The following VPS37C variants were observed in gnomAD, a reference collection of about 807,000 sequenced individuals.
The protein encoded by VPS37C is VPS37C subunit of ESCRT-I.
Under a neutral mutation model 16.1 loss-of-function variants are expected in VPS37C, and 9 were observed. The ratio of observed to expected loss-of-function variants is 0.56; its 90% CI spans 0.34 to 0.97. The LOEUF (loss-of-function observed/expected upper bound fraction) is 0.97, where lower values mean the gene tolerates loss of function less well. VPS37C is among the 50% of genes least tolerant of loss of function. VPS37C has a pLI of 0.02. For synonymous variants in VPS37C, 207 were observed against 206.4 expected (o/e 1.00, Z -0.02); for missense variants, 479 against 472.7 (o/e 1.01, Z -0.12).
intron 1 of VPS37C, among the ~76,000 whole-genome samples, chr11:61,155,602 T>C (rs1388757089): frequency 1.3e-5 from 2 of 148,676 alleles, no homozygotes; most frequent in African/African-American, 5.0e-5. Flanking sequence ...AAAAAAAAAA[T>C]AGTTAATCCA....
At chr11:61,152,759 CAGT>C (rs1853316184) in intron 1 of VPS37C, among the ~76,000 whole-genome samples, 1 of 152,210 alleles carries the variant, frequency 6.6e-6, no homozygotes, top group South Asian at 2.1e-4. Context: ...CTCTAAACAG[CAGT>C]AAGACAGGGA....
At chr11:61,144,823 A>T (rs1185200706) in intron 1 of VPS37C, 1 of 152,216 alleles carries the variant, frequency 6.6e-6, no homozygotes, top group East Asian at 1.9e-4. Flanking sequence ...TGAGTCTGGG[A>T]AGGAGACCGG....
rs369483972 is a variant in VPS37C, at chr11:61,132,371, G to A, written c.517C>T (p.Pro173Ser). 1.1e-5 allele frequency: 17 copies of A among 1,601,444 alleles called. No individual in the cohort carries two copies. The highest frequency in any genetic ancestry group is 1.2e-5 in the Non-Finnish European group (14 of 1,173,932). ...GGGCGCACCGGGGGTGGTGGACGGG[G>A]TGGAGGGGCATCGCCGGCCAGCTCC... ...SQELAGDAPP[P>S]RPPPPVRPVP... is the part of the protein sequence containing the mutation. Residue 173 changes from proline (P) to serine (S), a missense_variant, in exon 5 of 5, where the codon CCC (proline) becomes TCC (serine). Transcript: ENST00000301765.
At chr11:61,159,647 T>C (rs1009610238) in intron 1 of VPS37C, among the ~76,000 whole-genome samples, 1 of 150,910 alleles carries the variant, frequency 6.6e-6, no homozygotes, top group Non-Finnish European at 1.5e-5. Flanking sequence ...AATACAAAAA[T>C]TGCTTGCAGT....
chr11:61,138,040 G>A (rs1320016992), intron 2 of VPS37C, among the ~76,000 whole-genome samples: 1 of 152,224 alleles, frequency 6.6e-6, no homozygotes, highest in Admixed American at 6.5e-5. Flanking sequence ...AAAGGAGCTG[G>A]CATTGCTTGC....
intron 1 of VPS37C, among the ~76,000 whole-genome samples, chr11:61,149,572 C>G (rs571575938): frequency 6.6e-6 from 1 of 152,268 alleles, no homozygotes; most frequent in South Asian, 2.1e-4. Flanking sequence ...GTCAACTGTG[C>G]CAGGCGGCCA....
chr11:61,155,604 G>C (rs1046217333), intron 1 of VPS37C, among the ~76,000 whole-genome samples: 4 of 151,920 alleles, frequency 2.6e-5, no homozygotes, highest in African/African-American at 9.7e-5. Context: ...AAAAAAAATA[G>C]TTAATCCAGA....
At chr11:61,144,067 T>C (rs1861518765) in intron 1 of VPS37C, 1 of 151,838 alleles carries the variant, frequency 6.6e-6, no homozygotes, top group Non-Finnish European at 1.5e-5. Context: ...CTTCCTGGGT[T>C]GACGCCATTC....
rs894043470 is a variant in VPS37C at position 61,131,513 on chromosome 11, C to A, written c.*307G>T. The A allele has an allele frequency of 8.3e-5, 27 of 325,244 alleles. No individual in the cohort carries two copies. Among genetic ancestry groups the A allele is most frequent in the Admixed American group, 6.0e-4 (12 of 20,068 alleles). The allele number at this position is 325,244 out of a possible 1,614,324, so 20.1% of individuals were successfully genotyped here. ...CTGAGTGCAGCCGCAAGTAGATGCT[C>A]ATAAATGCGCACATGCGCTCACTCA... On this transcript the variant is annotated 3_prime_UTR_variant, in exon 5 of 5. Transcript: ENST00000301765.
Position 61,130,898 on chromosome 11 carries a change from G to A in VPS37C, c.*922C>T, listed in dbSNP as rs1039911010. 2 of 398,360 alleles carry A rather than the reference G, an allele frequency of 5.0e-6. No homozygotes were observed. Among genetic ancestry groups the A allele is most frequent in the Non-Finnish European group, 9.6e-6 (2 of 207,654 alleles). The allele number at this position is 398,360 out of a possible 1,614,324, so 24.7% of individuals were successfully genotyped here. On this transcript the variant is annotated 3_prime_UTR_variant, in exon 5 of 5. Coordinates refer to ENST00000301765, the MANE Select transcript of VPS37C (RefSeq NM_017966.5). ...AACAGAGTGAGAAGGGGAGGGGAAG[G>A]GAGGGGGCTGCTTGTGAATGAGATT... is the stretch of plus-strand genomic sequence containing the variant.
chr11:61,137,195 C>T (rs1031138328), intron 2 of VPS37C, among the ~76,000 whole-genome samples: 3 of 152,126 alleles, frequency 2.0e-5, no homozygotes, highest in Non-Finnish European at 2.9e-5. Context: ...CTCTCCTAGC[C>T]GTGTCCATGT....
chr11:61,153,545 GA>G (rs1241525284), intron 1 of VPS37C, among the ~76,000 whole-genome samples: 2 of 152,152 alleles, frequency 1.3e-5, no homozygotes, highest in Admixed American at 1.3e-4. Flanking sequence ...AGAGGCACTA[GA>G]TTTATTCTCC....
At chr11:61,142,998 A>G (rs899313283) in intron 1 of VPS37C, among the ~76,000 whole-genome samples, 80 of 149,948 alleles carry the variant, frequency 5.3e-4, no homozygotes, top group African/African-American at 1.7e-3. Context: ...AAAAAAAAAA[A>G]AGAGATGAGA....
At chr11:61,145,857 C>T (rs1157300678) in intron 1 of VPS37C, among the ~76,000 whole-genome samples, 1 of 152,168 alleles carries the variant, frequency 6.6e-6, no homozygotes, top group Non-Finnish European at 1.5e-5. Flanking sequence ...GTGACGAGTC[C>T]AACTACCTGG....
intron 1 of VPS37C, 143 bp from the exon 2 acceptor site, chr11:61,138,978 A>G (rs508970): frequency 0.61 from 439,519 of 726,456 alleles, 142,491 homozygotes; most frequent in East Asian, 1. Context: ...GAGAGGCAGA[A>G]ATCTCTGAGA....
At chr11:61,158,435 G>A (rs1853412468) in intron 1 of VPS37C, among the ~76,000 whole-genome samples, 1 of 152,196 alleles carries the variant, frequency 6.6e-6, no homozygotes, top group Non-Finnish European at 1.5e-5. Flanking sequence ...ATCTTCTCAA[G>A]TGCTCACAGA....
chr11:61,141,350 C>T (rs1261644808), intron 1 of VPS37C, among the ~76,000 whole-genome samples: 3 of 149,932 alleles, frequency 2.0e-5, no homozygotes, highest in East Asian at 1.9e-4. Flanking sequence ...CCTGGGCAAC[C>T]GAGCAAGACT....
At chr11:61,150,904 C>T (rs948732) in intron 1 of VPS37C, among the ~76,000 whole-genome samples, 113,095 of 152,186 alleles carry the variant, frequency 0.74, 43,545 homozygotes, top group East Asian at 1. Context: ...ACAGGCCCTG[C>T]GTCTGAGGTT....
rs375103203 is a variant in VPS37C, at chr11:61,152,839, G to C, written c.-7+8552C>G. On this transcript the variant is annotated intron_variant, in intron 1 of 4. Coordinates refer to ENST00000301765, the MANE Select transcript of VPS37C (RefSeq NM_017966.5). ...TTGCTCTTGCTCTCCACTCTGCCTG[G>C]AATACTCTTTCCTACACTTTCCCCA... Among the ~76,000 whole-genome samples the C allele has an allele frequency of 3.7e-4, 56 of 152,256 alleles. 2 individuals are homozygous for C. In the South Asian group the frequency reaches 0.011, roughly 31 times the overall value.
Sources: allele counts gnomAD v4.1 joint callset (sites outside exome capture counted in the v4.1 genomes callset), GRCh38; gene constraint gnomAD v4.1.1; transcripts MANE v1.5; gene names NCBI Gene and HGNC (gene_info 2026-07-23, HGNC 2026-07-21).